Variants in DIAPH2 observed in about 807,000 individuals in gnomAD.
DIAPH2 encodes the protein diaphanous related formin 2.
Under a neutral mutation model 92.7 loss-of-function variants are expected in DIAPH2, and 35 were observed. The observed-to-expected ratio is 0.38, with a 90% CI of 0.29 to 0.50. The LOEUF (loss-of-function observed/expected upper bound fraction) is 0.50, where lower values mean the gene tolerates loss of function less well. DIAPH2 is among the 20% of genes least tolerant of loss of function. DIAPH2 has a pLI of 0.94. For missense variants in DIAPH2, 701 were observed against 819.5 expected, an observed-to-expected ratio of 0.86 and a Z score of 1.77; for synonymous variants, 301 against 280.4, an observed-to-expected ratio of 1.07 and a Z score of -0.73.
At chrX:96,979,130 A>C (rs2065979309) in intron 17 of DIAPH2, among the ~76,000 whole-genome samples, 1 of 112,009 alleles carries the variant, frequency 8.9e-6, no homozygotes, top group Non-Finnish European at 1.9e-5. Flanking sequence ...ACTAGGTTCA[A>C]CCCTTACACA....
At chrX:97,514,444 CT>C (rs1446359212) in intron 26 of DIAPH2, among the ~76,000 whole-genome samples, 1 of 112,910 alleles carries the variant, frequency 8.9e-6, no homozygotes, top group Non-Finnish European at 1.9e-5. Context: ...ACTTCTTTGC[CT>C]TTGGTTTGAA....
intron 19 of DIAPH2, among the ~76,000 whole-genome samples, chrX:97,093,510 T>C (rs1569299416): frequency 8.9e-6 from 1 of 112,194 alleles, no homozygotes; most frequent in Non-Finnish European, 1.9e-5. Context: ...ATACATACTT[T>C]GGATGCTGCT....
At chrX:96,852,288 T>C (rs1480933999) in intron 4 of DIAPH2, among the ~76,000 whole-genome samples, 2 of 111,952 alleles carry the variant, frequency 1.8e-5, no homozygotes, top group Admixed American at 9.5e-5. Flanking sequence ...TTCAAGCTTT[T>C]TCCAGTGGCC....
chrX:96,740,495 A>T (rs770580790), intron 3 of DIAPH2, among the ~76,000 whole-genome samples: 1 of 112,360 alleles, frequency 8.9e-6, no homozygotes, highest in East Asian at 2.8e-4. Context: ...CAGTATTGAA[A>T]TAGTTCTCCG....
intron 12 of DIAPH2, 152 bp from the exon 13 acceptor site, chrX:96,941,866 C>G (rs1302103736): frequency 4.7e-6 from 2 of 421,625 alleles, no homozygotes; most frequent in African/African-American, 5.1e-5. Context: ...TAAGCTTAGG[C>G]ATGCTTGTCC....
At chrX:97,049,275 A>G (rs1382793308) in intron 17 of DIAPH2, among the ~76,000 whole-genome samples, 1 of 110,885 alleles carries the variant, frequency 9.0e-6, no homozygotes, top group East Asian at 2.8e-4. Flanking sequence ...TTTCCCTAAC[A>G]TAAGAAAAAT....
At chrX:96,789,017 A>G (rs1184146189) in intron 4 of DIAPH2, among the ~76,000 whole-genome samples, 2 of 112,370 alleles carry the variant, frequency 1.8e-5, no homozygotes. Flanking sequence ...ATTTGTTAGA[A>G]GGACTCACAG....
chrX:97,119,111 G>C (rs2067036662), intron 21 of DIAPH2, among the ~76,000 whole-genome samples: 1 of 110,396 alleles, frequency 9.1e-6, no homozygotes, highest in Admixed American at 9.6e-5. Flanking sequence ...TGTGATTTTT[G>C]GGGGGGTGTT....
In DIAPH2 at chrX:97,520,431, A is replaced by G. The variant is rs771130656; in HGVS notation, c.3242-78822A>G. Among the ~76,000 whole-genome samples the G allele has an allele frequency of 4.4e-5, 5 of 112,564 alleles. No homozygotes were observed. In the East Asian group the frequency reaches 1.4e-3, roughly 31 times the overall value. On this transcript the variant is annotated intron_variant, in intron 26 of 26. Transcript: ENST00000324765. Reference sequence around the variant, plus strand: ...TAGTTATAACTTCTCCCACACAATAACAGTGCTTTTGTGGAAATAATTACT... The same window carrying G: ...TAGTTATAACTTCTCCCACACAATAGCAGTGCTTTTGTGGAAATAATTACT...
At chrX:97,591,426 G>A (rs2071516324) in intron 26 of DIAPH2, among the ~76,000 whole-genome samples, 1 of 112,468 alleles carries the variant, frequency 8.9e-6, no homozygotes, top group Admixed American at 9.4e-5. Context: ...GTAACAACGT[G>A]TGGATAGACA....
chrX:97,310,892 C>T (rs1466196997), intron 23 of DIAPH2, among the ~76,000 whole-genome samples: 2 of 111,599 alleles, frequency 1.8e-5, no homozygotes, highest in African/African-American at 6.5e-5. Context: ...CGCCTGTAAT[C>T]GCGCTACTTG....
chrX:96,900,800 C>T (rs2065388014), intron 5 of DIAPH2, among the ~76,000 whole-genome samples: 1 of 111,782 alleles, frequency 8.9e-6, no homozygotes, highest in Admixed American at 9.5e-5. Context: ...ACTATTCATC[C>T]CTGGGATGAA....
chrX:97,074,953 T>C (rs754793422), intron 18 of DIAPH2, among the ~76,000 whole-genome samples: 2 of 112,035 alleles, frequency 1.8e-5, no homozygotes, highest in Non-Finnish European at 3.8e-5. Flanking sequence ...AAATATGCAC[T>C]AGCTATAAAC....
intron 1 of DIAPH2, chrX:96,701,563 G>A (rs1481386154): frequency 2.7e-5 from 3 of 110,444 alleles, no homozygotes; most frequent in African/African-American, 9.9e-5. Context: ...CAAGGAGTTA[G>A]ATCTGTAACT....
chrX:96,968,322 G>T (rs1441243126), intron 17 of DIAPH2, among the ~76,000 whole-genome samples: 1 of 110,990 alleles, frequency 9.0e-6, no homozygotes, highest in Non-Finnish European at 1.9e-5. Context: ...GGGTTCAAGT[G>T]ATTCTCCTGC....
intron 1 of DIAPH2, among the ~76,000 whole-genome samples, chrX:96,728,792 T>C (rs928101204): frequency 5.3e-5 from 6 of 113,026 alleles, no homozygotes; most frequent in African/African-American, 1.9e-4. Context: ...TTTCTATTGC[T>C]TTTTATTCAT....
intron 21 of DIAPH2, among the ~76,000 whole-genome samples, chrX:97,136,579 A>G (rs942221924): frequency 8.9e-6 from 1 of 111,888 alleles, no homozygotes; most frequent in Admixed American, 9.4e-5. Flanking sequence ...GCTAAATCAT[A>G]TAGGATAAAA....
At chrX:96,961,516 CTCTG>C (rs747865750) in intron 16 of DIAPH2, among the ~76,000 whole-genome samples, 5 of 100,785 alleles carry the variant, frequency 5.0e-5, no homozygotes, top group African/African-American at 1.4e-4. Flanking sequence ...TATTTTTAAT[CTCTG>C]TCTGGCTCAG....
chrX:97,389,795 G>A (rs746811291), intron 25 of DIAPH2, among the ~76,000 whole-genome samples: 147 of 110,227 alleles, frequency 1.3e-3, no homozygotes, highest in African/African-American at 4.5e-3. Context: ...AAGGAGTTCT[G>A]GGCTGGGATG....
Sources: allele counts gnomAD v4.1 joint callset (sites outside exome capture counted in the v4.1 genomes callset), GRCh38; gene constraint gnomAD v4.1.1; transcripts MANE v1.5; gene names NCBI Gene and HGNC (gene_info 2026-07-23, HGNC 2026-07-21).